The following CPNE2 variants were observed in gnomAD, a reference collection of about 807,000 sequenced individuals.
CPNE2 encodes the protein copine 2.
A neutral mutation model predicts 69.7 loss-of-function variants in CPNE2; 42 were observed. That is an observed-to-expected ratio of 0.60 (90% confidence interval 0.47 to 0.78). The LOEUF (loss-of-function observed/expected upper bound fraction) is 0.78, where lower values mean the gene tolerates loss of function less well. Ranked by LOEUF, CPNE2 falls within the 30% of genes least tolerant of loss-of-function variation. CPNE2 has a pLI of 0.00. For synonymous variants in CPNE2, 294 were observed against 289.8 expected (o/e 1.01, Z -0.15); for missense variants, 587 against 732.0 (o/e 0.80, Z 2.29).
At chr16:57,115,797 G>A (rs2069714822) in intron 4 of CPNE2, among the ~76,000 whole-genome samples, 1 of 152,252 alleles carries the variant, frequency 6.6e-6, no homozygotes, top group Non-Finnish European at 1.5e-5. Context: ...GCCCCTGCCT[G>A]CCCTCCCCTG....
In CPNE2 at chr16:57,146,386, A is replaced by T; in HGVS notation, c.1539+65A>T. Reference sequence around the variant, plus strand: ...TCCCAGCCACCATAGCTCATAATCAAGCTTGAGAGTCTTGGGGTTGTCTGG... The same window carrying T: ...TCCCAGCCACCATAGCTCATAATCATGCTTGAGAGTCTTGGGGTTGTCTGG... On this transcript the variant is annotated intron_variant, in intron 15 of 15. Coordinates refer to ENST00000290776, the MANE Select transcript of CPNE2 (RefSeq NM_152727.6). This position sits in a 1 kb window ranked among gnomAD's most constrained non-coding sequence, Gnocchi z 4.4. The T allele has an allele frequency of 2.9e-6, 4 of 1,356,534 alleles. No individual in the cohort carries two copies. The highest frequency in any genetic ancestry group is 4.0e-6 in the Non-Finnish European group (4 of 988,656). 84.0% of individuals were successfully genotyped at this position (1,356,534 alleles called of 1,614,324 possible).
chr16:57,144,974 A>G (rs1011878592), intron 14 of CPNE2: 1 of 152,162 alleles, frequency 6.6e-6, no homozygotes, highest in African/African-American at 2.4e-5. Context: ...CCAATTTGGA[A>G]TCCTGGGCCC....
intron 7 of CPNE2, among the ~76,000 whole-genome samples, chr16:57,120,810 C>T (rs148076340): frequency 2.6e-5 from 4 of 152,220 alleles, no homozygotes; most frequent in African/African-American, 4.8e-5. Flanking sequence ...GGTCACAACC[C>T]GAGGTGGAGG....
chr16:57,099,544 C>T (rs1465436192), intron 1 of CPNE2, among the ~76,000 whole-genome samples: 2 of 148,340 alleles, frequency 1.3e-5, no homozygotes, highest in Admixed American at 6.8e-5. Context: ...TTATTGCCAA[C>T]ACATGGTATG....
At chr16:57,123,812 CCTT>C in intron 10 of CPNE2, 1 of 388,370 alleles carries the variant, frequency 2.6e-6, no homozygotes, top group East Asian at 4.6e-5. Context: ...CCTCCTTCCT[CCTT>C]GCTCACTGGG....
intron 1 of CPNE2, among the ~76,000 whole-genome samples, chr16:57,100,533 C>T (rs1270236678): frequency 5.3e-5 from 8 of 152,192 alleles, no homozygotes; most frequent in Non-Finnish European, 1.0e-4. Context: ...CACAGAAGGA[C>T]CAATGACTTG....
intron 1 of CPNE2, among the ~76,000 whole-genome samples, chr16:57,109,054 A>G (rs1436446620): frequency 6.6e-6 from 1 of 152,224 alleles, no homozygotes; most frequent in South Asian, 2.1e-4. Context: ...ACAATGAACA[A>G]GGGTGAATTT....
rs765645821 is a variant in CPNE2, at chr16:57,130,729, TG to T, written c.1116+2830del. Among the ~76,000 whole-genome samples, 4 of 151,862 alleles carry T rather than the reference TG, an allele frequency of 2.6e-5. No homozygotes were observed. Among genetic ancestry groups the T allele is most frequent in the Non-Finnish European group, 5.9e-5 (4 of 67,976 alleles). On this transcript the variant is annotated intron_variant, in intron 12 of 15. Coordinates refer to ENST00000290776, the MANE Select transcript of CPNE2 (RefSeq NM_152727.6). The surrounding 1 kb of genome is among the most constrained non-coding windows in gnomAD (Gnocchi z 4.1). ...GACCATCCGTTTCACTGACCATGGC[TG>T]GGGCCATTATGGCAGAGACAAGATG...
chr16:57,121,201 G>T lies in CPNE2; in HGVS notation c.780+10G>T. 6.2e-7 allele frequency: 1 copy of T among 1,611,252 alleles called. No individual in the cohort carries two copies. Among genetic ancestry groups the T allele is most frequent in the Non-Finnish European group, 8.5e-7 (1 of 1,177,926 alleles). On this transcript the variant is annotated intron_variant, in intron 8 of 15. Coordinates refer to ENST00000290776, the MANE Select transcript of CPNE2 (RefSeq NM_152727.6). ...TCGAGACAGCGTCCCGGTGAGATGGGCACGTGTACTGTAACCCCAAGACCT... is the reference window on the plus strand; with the variant it reads ...TCGAGACAGCGTCCCGGTGAGATGGTCACGTGTACTGTAACCCCAAGACCT...
Position 57,092,595 on chromosome 16 carries a change from G to C in CPNE2, c.-231G>C, listed in dbSNP as rs1305267001. On this transcript the variant is annotated 5_prime_UTR_variant, in exon 1 of 16. Transcript: ENST00000290776. This position sits in a 1 kb window ranked among gnomAD's most constrained non-coding sequence, Gnocchi z 5.3. ...CGCCGCCGCCGCCGCCCGCCCGCCCGGCCCGGGAGGAGGACCGGACCCCGA... is the reference window on the plus strand; with the variant it reads ...CGCCGCCGCCGCCGCCCGCCCGCCCCGCCCGGGAGGAGGACCGGACCCCGA... 1.3e-5 allele frequency: 2 copies of C among 150,100 alleles called. No individual in the cohort carries two copies. Among genetic ancestry groups the C allele is most frequent in the African/African-American group, 4.9e-5 (2 of 40,914 alleles). The allele number at this position is 150,100 out of a possible 1,614,324, so 9.3% of individuals were successfully genotyped here.
rs912253609 is a variant in CPNE2 at position 57,147,585 on chromosome 16, C to T, written c.1574C>T (p.Ala525Val). The T allele has an allele frequency of 5.0e-6, 8 of 1,609,182 alleles. No homozygotes were observed. Among genetic ancestry groups the T allele is most frequent in the African/African-American group, 1.3e-5 (1 of 74,880 alleles). The change falls in exon 16 of 16, where the codon GCG (alanine) becomes GTG (valine). Residue 525 changes from alanine (A) to valine (V), a missense_variant. Transcript: ENST00000290776. ...AKETLAKAVL[A>V]ELPQQVVQYF... ...GAGACCTTGGCCAAAGCTGTGCTGG[C>T]GGAGCTGCCCCAACAAGTTGTGCAG...
chr16:57,134,867 C>A (rs1348781079), intron 13 of CPNE2, 41 bp downstream of exon 13: 3 of 1,605,500 alleles, frequency 1.9e-6, no homozygotes, highest in Non-Finnish European at 2.6e-6. Context: ...GTGTTTGCTA[C>A]GGGCCTGGCC....
chr16:57,116,809 G>A (rs1280457443), intron 4 of CPNE2, among the ~76,000 whole-genome samples: 5 of 152,190 alleles, frequency 3.3e-5, no homozygotes, highest in African/African-American at 1.2e-4. Flanking sequence ...AGGGCCAGAT[G>A]CCTTGCGCTG....
intron 12 of CPNE2, among the ~76,000 whole-genome samples, chr16:57,128,320 C>G (rs1176645982): frequency 6.6e-6 from 1 of 152,162 alleles, no homozygotes; most frequent in African/African-American, 2.4e-5. Flanking sequence ...ACCTCCGCCT[C>G]CCAGGTTCAA....
chr16:57,101,950 CTT>C (rs753148938), intron 1 of CPNE2, among the ~76,000 whole-genome samples: 30 of 143,152 alleles, frequency 2.1e-4, no homozygotes, highest in East Asian at 2.0e-4. Flanking sequence ...ATTTCTTTTT[CTT>C]TTTTTTTTTT....
chr16:57,140,298 G>A (rs1267288461), intron 14 of CPNE2, among the ~76,000 whole-genome samples: 1 of 152,034 alleles, frequency 6.6e-6, no homozygotes, highest in Non-Finnish European at 1.5e-5. Flanking sequence ...AGCATCCCAA[G>A]TAGCTGGGAT....
chr16:57,096,916 C>T (rs2069581377), intron 1 of CPNE2, among the ~76,000 whole-genome samples: 1 of 151,970 alleles, frequency 6.6e-6, no homozygotes, highest in Non-Finnish European at 1.5e-5. Context: ...CCACACTAGG[C>T]ATGTCCACAC....
At chr16:57,109,825 C>A (rs1302266580) in intron 1 of CPNE2, among the ~76,000 whole-genome samples, 1 of 152,132 alleles carries the variant, frequency 6.6e-6, no homozygotes, top group African/African-American at 2.4e-5. Flanking sequence ...ATCCTGTGAC[C>A]CAGAATGCCT....
At chr16:57,112,473 C>G (rs2069687820) in intron 2 of CPNE2, among the ~76,000 whole-genome samples, 1 of 152,118 alleles carries the variant, frequency 6.6e-6, no homozygotes, top group Non-Finnish European at 1.5e-5. Context: ...CTAAAAATAG[C>G]CCAGGGCCAA....
Sources: gnomAD v4.1 joint callset for allele counts (sites outside exome capture counted in the v4.1 genomes callset) on GRCh38, gnomAD v4.1.1 for gene constraint, Gnocchi (gnomAD v3.1) non-coding constraint, MANE v1.5 for transcripts, NCBI Gene and HGNC (gene_info 2026-07-23, HGNC 2026-07-21) for gene names.